Variants in PLXNA4 observed in about 807,000 individuals in gnomAD.
The protein encoded by PLXNA4 is plexin-A4.
In PLXNA4, 44 loss-of-function variants were observed where a neutral mutation model predicts 191.8. The observed-to-expected ratio is 0.23, with a 90% CI of 0.18 to 0.29. PLXNA4 has a LOEUF of 0.29. Ranked by LOEUF, PLXNA4 falls within the 10% of genes least tolerant of loss-of-function variation. The pLI, the probability that PLXNA4 is intolerant of heterozygous loss-of-function variation, is 1.00. For synonymous variants in PLXNA4, 1,082 were observed against 1,009.5 expected, an observed-to-expected ratio of 1.07 and a Z score of -1.36; for missense variants, 1,800 against 2,488.8, an observed-to-expected ratio of 0.72 and a Z score of 5.89.
At chr7:132,327,037 A>AGAGGGGGGGAGAGAAGAAAG (rs1802391060) in intron 3 of PLXNA4, among the ~76,000 whole-genome samples, 1 of 92,212 alleles carries the variant, frequency 1.1e-5, no homozygotes, top group African/African-American at 3.6e-5. Flanking sequence ...AAGGAAGAAA[A>AGAGGGGGGGAGAGAAGAAAG]GAGGGAGGGA....
chr7:132,480,304 G>A (rs1487312878), intron 3 of PLXNA4, among the ~76,000 whole-genome samples: 1 of 152,190 alleles, frequency 6.6e-6, no homozygotes, highest in East Asian at 1.9e-4. Flanking sequence ...CACTCAGAAG[G>A]AAAAAGAAGG....
intron 2 of PLXNA4, among the ~76,000 whole-genome samples, chr7:132,610,474 C>T (rs2116853027): frequency 6.6e-6 from 1 of 152,324 alleles, no homozygotes; most frequent in Admixed American, 6.5e-5. Flanking sequence ...CTCAAAGGTT[C>T]TTCCTAGTCC....
At chr7:132,371,737 T>C (rs572312688) in intron 3 of PLXNA4, among the ~76,000 whole-genome samples, 5 of 152,146 alleles carry the variant, frequency 3.3e-5, no homozygotes, top group African/African-American at 4.8e-5. Context: ...CAGTAACTCC[T>C]TTATCAAAGC....
chr7:132,562,193 CCTCCTCCTCCTT>C (rs1326262617), intron 1 of PLXNA4, among the ~76,000 whole-genome samples: 6 of 124,840 alleles, frequency 4.8e-5, no homozygotes, highest in South Asian at 3.0e-4. Flanking sequence ...TCCTCCTTCT[CCTCCTCCTCCTT>C]CTCCTCCTCC....
chr7:132,134,994 C>T (rs1409361230), intron 30 of PLXNA4, among the ~76,000 whole-genome samples: 4 of 152,080 alleles, frequency 2.6e-5, no homozygotes, highest in Admixed American at 2.6e-4. Context: ...AAAATTGCAG[C>T]GAGACTTGAT....
Position 132,576,282 on chromosome 7 carries a change from TGTGTGCCTGCGTGTGTGCGTGTGC to T in PLXNA4, c.-87+116_-87+139del, listed in dbSNP as rs1283519381. 3 of 571,952 alleles carry T rather than the reference TGTGTGCCTGCGTGTGTGCGTGTGC, an allele frequency of 5.2e-6. No individual in the cohort carries two copies. Among genetic ancestry groups the T allele is most frequent in the Non-Finnish European group, 6.6e-6 (3 of 452,574 alleles). 35.4% of individuals were successfully genotyped at this position (571,952 alleles called of 1,614,324 possible). A position where few individuals can be genotyped will look rare whatever the true frequency, so the allele number is the denominator to read the frequency against. ...CCGTGTGTGCCGGTGTGGATCTGTG[TGTGTGCCTGCGTGTGTGCGTGTGC>T]GTGTGCCGCGGGCTGGCTCCGGGAC... On this transcript the variant is annotated intron_variant, in intron 1 of 31. Coordinates refer to ENST00000321063, the MANE Select transcript of PLXNA4 (RefSeq NM_020911.2). The surrounding 1 kb of genome is among the most constrained non-coding windows in gnomAD (Gnocchi z 5.8).
intron 1 of PLXNA4, among the ~76,000 whole-genome samples, chr7:132,521,608 T>C (rs1026604905): frequency 3.3e-5 from 5 of 152,204 alleles, no homozygotes; most frequent in Non-Finnish European, 7.3e-5. Context: ...CTTTTTCCCC[T>C]GACCCCTGGA....
intron 1 of PLXNA4, among the ~76,000 whole-genome samples, chr7:132,533,934 T>A (rs576699150): frequency 6.6e-6 from 1 of 151,078 alleles, no homozygotes; most frequent in Non-Finnish European, 1.5e-5. Context: ...ACTATTATTA[T>A]TATTATTATT....
intron 3 of PLXNA4, among the ~76,000 whole-genome samples, chr7:132,449,523 G>C (rs546396826): frequency 1.3e-5 from 2 of 152,268 alleles, no homozygotes; most frequent in Non-Finnish European, 1.5e-5. Context: ...AGAGATGAAC[G>C]GACAGATCCT....
At chr7:132,515,771 T>A (rs1798913127) in intron 1 of PLXNA4, among the ~76,000 whole-genome samples, 1 of 152,228 alleles carries the variant, frequency 6.6e-6, no homozygotes, top group Non-Finnish European at 1.5e-5. Context: ...TTAGACTCAT[T>A]GTTCAAATGA....
At chr7:132,253,534 C>T (rs1792952756) in intron 4 of PLXNA4, among the ~76,000 whole-genome samples, 3 of 152,052 alleles carry the variant, frequency 2.0e-5, no homozygotes, top group African/African-American at 4.8e-5. Context: ...CATGAGCCAC[C>T]ATGCCCAGCC....
At chr7:132,595,929 C>T (rs1436861499) in intron 2 of PLXNA4, among the ~76,000 whole-genome samples, 1 of 152,136 alleles carries the variant, frequency 6.6e-6, no homozygotes, top group Admixed American at 6.5e-5. Context: ...ACCTTCAATA[C>T]CATTATTGTG....
chr7:132,251,126 C>G (rs1264156452), intron 4 of PLXNA4, among the ~76,000 whole-genome samples: 1 of 148,798 alleles, frequency 6.7e-6, no homozygotes, highest in African/African-American at 2.5e-5. Context: ...TACGTAAACA[C>G]TGCTTCAAAA....
chr7:132,408,331 T>C (rs1030116006), intron 3 of PLXNA4, among the ~76,000 whole-genome samples: 1 of 152,192 alleles, frequency 6.6e-6, no homozygotes, highest in African/African-American at 2.4e-5. Context: ...GAAATATTAA[T>C]GATAGCTGCA....
intron 4 of PLXNA4, among the ~76,000 whole-genome samples, chr7:132,271,431 GAAA>G (rs5887561): frequency 1.6e-5 from 2 of 128,498 alleles, no homozygotes; most frequent in Admixed American, 7.9e-5. Flanking sequence ...AGTCACTTAG[GAAA>G]AAAAAAAAAA....
chr7:132,519,764 C>A (rs1278782551), intron 1 of PLXNA4, among the ~76,000 whole-genome samples: 1 of 152,196 alleles, frequency 6.6e-6, no homozygotes, highest in Non-Finnish European at 1.5e-5. Flanking sequence ...GCCAGTGTCA[C>A]CCATAAAAGC....
At chr7:132,633,584 G>T (rs1803535702) in intron 2 of PLXNA4, among the ~76,000 whole-genome samples, 1 of 152,100 alleles carries the variant, frequency 6.6e-6, no homozygotes, top group Admixed American at 6.6e-5. Context: ...CCCCACCAAG[G>T]TTCTCATTCT....
At chr7:132,383,708 A>C in intron 3 of PLXNA4, 1 of 983,578 alleles carries the variant, frequency 1.0e-6, no homozygotes. Context: ...AGACTAAATA[A>C]ATGCTGAAAT....
At chr7:132,183,026 A>G (rs1796761473) in intron 16 of PLXNA4, among the ~76,000 whole-genome samples, 1 of 152,254 alleles carries the variant, frequency 6.6e-6, no homozygotes, top group African/African-American at 2.4e-5. Flanking sequence ...CTGATCCCCA[A>G]TCAAAGGAGC....
Sources: allele counts gnomAD v4.1 joint callset (sites outside exome capture counted in the v4.1 genomes callset), GRCh38; gene constraint gnomAD v4.1.1; non-coding constraint Gnocchi (gnomAD v3.1); transcripts MANE v1.5; gene names NCBI Gene and HGNC (gene_info 2026-07-23, HGNC 2026-07-21).